KCNK10: variants seen among roughly 807,000 people sequenced by gnomAD.
KCNK10 encodes potassium channel subfamily K member 10.
A neutral mutation model predicts 47.7 loss-of-function variants in KCNK10; 25 were observed. The ratio of observed to expected loss-of-function variants is 0.52; its 90% CI spans 0.38 to 0.73. KCNK10 has a LOEUF of 0.73. Ranked by LOEUF, KCNK10 falls within the 30% of genes least tolerant of loss-of-function variation. The probability of loss-of-function intolerance (pLI) is 0.00; values close to 1 mark genes in which losing one functional copy is unlikely to be tolerated. For synonymous variants in KCNK10, 303 were observed against 285.6 expected (o/e 1.06, Z -0.61); for missense variants, 563 against 714.5 (o/e 0.79, Z 2.42).
At chr14:88,276,005 G>C (rs1887518523) in intron 1 of KCNK10, among the ~76,000 whole-genome samples, 2 of 152,138 alleles carry the variant, frequency 1.3e-5, no homozygotes, top group South Asian at 4.1e-4. Context: ...ACGGATCTGG[G>C]TGACCTTGGC....
At chr14:88,220,936 G>A (rs1160131308) in intron 4 of KCNK10, among the ~76,000 whole-genome samples, 1 of 151,736 alleles carries the variant, frequency 6.6e-6, no homozygotes, top group Non-Finnish European at 1.5e-5. Flanking sequence ...CAGATTGGGA[G>A]AAAATATTTG....
intron 4 of KCNK10, among the ~76,000 whole-genome samples, chr14:88,223,156 C>T (rs984532225): frequency 6.6e-5 from 10 of 152,180 alleles, no homozygotes; most frequent in Non-Finnish European, 1.3e-4. Context: ...AACCCATCAC[C>T]TCGTTATGCA....
intron 4 of KCNK10, among the ~76,000 whole-genome samples, chr14:88,201,376 G>A (rs1329984311): frequency 6.6e-6 from 1 of 152,106 alleles, no homozygotes; most frequent in Admixed American, 6.5e-5. Flanking sequence ...GACTACACTG[G>A]GCCAGGCACA....
chr14:88,222,313 G>A (rs1011509143), intron 4 of KCNK10, among the ~76,000 whole-genome samples: 2 of 152,070 alleles, frequency 1.3e-5, no homozygotes, highest in African/African-American at 4.8e-5. Flanking sequence ...ATTTGGGTGG[G>A]GACACAGCCA....
At chr14:88,211,767 G>A (rs940273009) in intron 4 of KCNK10, among the ~76,000 whole-genome samples, 2 of 151,874 alleles carry the variant, frequency 1.3e-5, no homozygotes, top group Non-Finnish European at 2.9e-5. Flanking sequence ...GCAGTGGCAG[G>A]TGCCTGTAAT....
chr14:88,222,733 G>T (rs1174027135), intron 4 of KCNK10, among the ~76,000 whole-genome samples: 1 of 152,148 alleles, frequency 6.6e-6, no homozygotes, highest in Non-Finnish European at 1.5e-5. Context: ...AATTTTAAGG[G>T]AGTTCCTTTT....
At position 88,316,401 on chromosome 14, in the gene KCNK10, T is replaced by C. The variant is rs555543943; in HGVS notation, c.52+6346A>G. On this transcript the variant is annotated intron_variant, in intron 1 of 6. Coordinates refer to ENST00000319231, the MANE Select transcript of KCNK10 (RefSeq NM_138317.3). ...TAAATATGAGGTCTTTATTTCCCCA[T>C]TGTAGGTGATGGTAATGAGCCAGAC... 1.1e-3 allele frequency among the ~76,000 whole-genome samples: 174 copies of C among 152,280 alleles called. 1 individual carries two copies. The highest frequency in any genetic ancestry group is 4.0e-3 in the African/African-American group (165 of 41,568).
At chr14:88,270,273 G>A (rs181484892) in intron 1 of KCNK10, among the ~76,000 whole-genome samples, 47 of 152,306 alleles carry the variant, frequency 3.1e-4, no homozygotes, top group African/African-American at 1.1e-3. Context: ...GAAAGATGAG[G>A]AGCGCAGGAT....
intron 1 of KCNK10, among the ~76,000 whole-genome samples, chr14:88,307,035 T>C (rs566223198): frequency 3.3e-5 from 5 of 152,236 alleles, no homozygotes; most frequent in African/African-American, 7.2e-5. Flanking sequence ...CCCATCTCTA[T>C]AGAAATGGTG....
intron 1 of KCNK10, chr14:88,270,976 C>T (rs1029164337): frequency 1.6e-5 from 10 of 633,192 alleles, no homozygotes; most frequent in Non-Finnish European, 2.8e-5. Context: ...ACTGCCACGC[C>T]CCCACAAGCA....
chr14:88,214,045 T>C (rs1006936121), intron 4 of KCNK10, among the ~76,000 whole-genome samples: 1 of 151,980 alleles, frequency 6.6e-6, no homozygotes, highest in Admixed American at 6.6e-5. Flanking sequence ...GTTCAAGTGA[T>C]TCTCCTGCCT....
intron 4 of KCNK10, among the ~76,000 whole-genome samples, chr14:88,214,805 A>C (rs1039424234): frequency 5.9e-5 from 9 of 152,254 alleles, no homozygotes; most frequent in Non-Finnish European, 1.0e-4. Flanking sequence ...CTTTTAAAGC[A>C]GATGAAGACA....
chr14:88,258,826 C>T (rs1416816884), intron 2 of KCNK10, among the ~76,000 whole-genome samples: 2 of 152,154 alleles, frequency 1.3e-5, no homozygotes, highest in Non-Finnish European at 2.9e-5. Context: ...TTGGAAAATC[C>T]CTCCCCACGA....
At chr14:88,194,624 G>C (rs1340423542) in intron 4 of KCNK10, among the ~76,000 whole-genome samples, 1 of 152,190 alleles carries the variant, frequency 6.6e-6, no homozygotes, top group Non-Finnish European at 1.5e-5. Flanking sequence ...TCAGGAGATG[G>C]GCAGGAGGGA....
intron 4 of KCNK10, among the ~76,000 whole-genome samples, chr14:88,222,482 T>C (rs1885848735): frequency 6.6e-6 from 1 of 152,218 alleles, no homozygotes; most frequent in Non-Finnish European, 1.5e-5. Context: ...CATGTCATTA[T>C]AAATTTGTCC....
chr14:88,294,244 C>T (rs1887939460), intron 1 of KCNK10, among the ~76,000 whole-genome samples: 1 of 152,176 alleles, frequency 6.6e-6, no homozygotes, highest in Admixed American at 6.5e-5. Flanking sequence ...CCAATCAGGA[C>T]CAAAAAGATG....
intron 1 of KCNK10, among the ~76,000 whole-genome samples, chr14:88,266,980 A>G (rs566709617): frequency 4.9e-4 from 75 of 152,340 alleles, no homozygotes; most frequent in African/African-American, 1.7e-3. Context: ...CCATTAGGGC[A>G]GAGTTTGAAC....
intron 1 of KCNK10, among the ~76,000 whole-genome samples, chr14:88,318,680 C>A (rs1352392432): frequency 6.6e-6 from 1 of 152,128 alleles, no homozygotes; most frequent in Non-Finnish European, 1.5e-5. Flanking sequence ...TGAAAGGAAG[C>A]CAACTGGCCC....
chr14:88,293,838 G>A (rs1887930713), intron 1 of KCNK10, among the ~76,000 whole-genome samples: 1 of 151,878 alleles, frequency 6.6e-6, no homozygotes, highest in Non-Finnish European at 1.5e-5. Flanking sequence ...ACCACACTTG[G>A]CTAATTTAAA....
Sources: gnomAD v4.1 joint callset for allele counts (sites outside exome capture counted in the v4.1 genomes callset) on GRCh38, gnomAD v4.1.1 for gene constraint, MANE v1.5 for transcripts, NCBI Gene and HGNC (gene_info 2026-07-23, HGNC 2026-07-21) for gene names.